MCU: variants seen among roughly 807,000 people sequenced by gnomAD.
The protein encoded by MCU is calcium uniporter protein, mitochondrial.
A neutral mutation model predicts 45.2 loss-of-function variants in MCU; 12 were observed. That is an observed-to-expected ratio of 0.27 (90% confidence interval 0.17 to 0.43). MCU has a LOEUF of 0.43. MCU is among the 20% of genes least tolerant of loss of function. The pLI is 1.00. For missense variants in MCU, 324 were observed against 436.7 expected, an observed-to-expected ratio of 0.74 and a Z score of 2.30; for synonymous variants, 160 against 165.1, an observed-to-expected ratio of 0.97 and a Z score of 0.24.
intron 2 of MCU, among the ~76,000 whole-genome samples, chr10:72,836,303 C>T (rs972930984): frequency 6.6e-6 from 1 of 152,058 alleles, no homozygotes; most frequent in South Asian, 2.1e-4. Flanking sequence ...TGTTATACTA[C>T]AGCTGGAAGG....
At chr10:72,703,405 A>G (rs1397173555) in intron 1 of MCU, among the ~76,000 whole-genome samples, 3 of 152,354 alleles carry the variant, frequency 2.0e-5, no homozygotes, top group African/African-American at 4.8e-5. Context: ...CACACCTAGC[A>G]TATAAACCCC....
chr10:72,737,767 C>T lies in MCU; in HGVS notation c.150+45466C>T, dbSNP rs149556309. Reference sequence around the variant, plus strand: ...ACTCCTGGCCTTAAGTGATCCTCACCGCCCCAACTCCCAAAGTGCTGGGAT... The same window carrying T: ...ACTCCTGGCCTTAAGTGATCCTCACTGCCCCAACTCCCAAAGTGCTGGGAT... On this transcript the variant is annotated intron_variant, in intron 1 of 7. Transcript: ENST00000373053. Among the ~76,000 whole-genome samples the T allele has an allele frequency of 1.2e-3, 177 of 152,062 alleles. 1 individual carries two copies. The highest frequency in any genetic ancestry group is 4.0e-3 in the African/African-American group (167 of 41,494).
chr10:72,866,056 T>C (rs566018287), intron 4 of MCU, among the ~76,000 whole-genome samples: 54 of 151,916 alleles, frequency 3.6e-4, no homozygotes, highest in Middle Eastern at 3.4e-3. Context: ...GGATTACAGG[T>C]GTGAGCCACC....
chr10:72,753,307 T>G (rs574666438), intron 1 of MCU, among the ~76,000 whole-genome samples: 1 of 152,336 alleles, frequency 6.6e-6, no homozygotes, highest in African/African-American at 2.4e-5. Flanking sequence ...AAATATTACT[T>G]GACATTCCAT....
intron 1 of MCU, among the ~76,000 whole-genome samples, chr10:72,823,571 A>C (rs1179023320): frequency 6.6e-6 from 1 of 152,198 alleles, no homozygotes; most frequent in South Asian, 2.1e-4. Context: ...TACTGCACTA[A>C]GACCTTTAAT....
intron 1 of MCU, among the ~76,000 whole-genome samples, chr10:72,697,507 C>T (rs1474746128): frequency 7.3e-6 from 1 of 136,270 alleles, no homozygotes; most frequent in African/African-American, 2.8e-5. Flanking sequence ...AATCTCGGTT[C>T]ACTGCAACCT....
intron 1 of MCU, among the ~76,000 whole-genome samples, chr10:72,724,591 A>C (rs1047274423): frequency 2.0e-5 from 3 of 152,206 alleles, no homozygotes; most frequent in Admixed American, 6.5e-5. Context: ...GGCACATTTA[A>C]AGGGCTGTAT....
intron 2 of MCU, among the ~76,000 whole-genome samples, chr10:72,857,275 C>T (rs1354879381): frequency 6.6e-5 from 10 of 150,858 alleles, no homozygotes; most frequent in Non-Finnish European, 1.5e-4. Flanking sequence ...GATTCTCACT[C>T]TGTTGCCAGG....
chr10:72,867,486 A>G (rs1288343091), intron 4 of MCU, among the ~76,000 whole-genome samples: 3 of 152,144 alleles, frequency 2.0e-5, no homozygotes, highest in African/African-American at 7.2e-5. Context: ...AGGCCCATAC[A>G]GCTATTCTCT....
chr10:72,724,038 A>G (rs111866763), intron 1 of MCU, among the ~76,000 whole-genome samples: 2,872 of 152,330 alleles, frequency 0.019, 81 homozygotes, highest in African/African-American at 0.065. Flanking sequence ...CATCAAGAAT[A>G]TTAAGAAATA....
rs564012272 is a variant in MCU at position 72,833,536 on chromosome 10, C to T, written c.151-823C>T. ...AGATACTAAATGATTTTTCTTTGTG[C>T]TGATGGAATGGAATATGTCAGGCCT... On this transcript the variant is annotated intron_variant, in intron 1 of 7. Transcript: ENST00000373053. 2.6e-5 allele frequency among the ~76,000 whole-genome samples: 4 copies of T among 152,242 alleles called. No homozygotes were observed. The South Asian group carries it at 8.3e-4, about 32-fold the overall frequency.
intron 4 of MCU, among the ~76,000 whole-genome samples, chr10:72,861,964 A>G (rs912928939): frequency 1.3e-5 from 2 of 149,688 alleles, no homozygotes; most frequent in Admixed American, 1.3e-4. Flanking sequence ...CCTCTAAAAT[A>G]GCGTTTTGAG....
At chr10:72,726,011 G>T (rs1314777815) in intron 1 of MCU, among the ~76,000 whole-genome samples, 3 of 151,758 alleles carry the variant, frequency 2.0e-5, no homozygotes, top group Admixed American at 6.6e-5. Flanking sequence ...TAACCATGTC[G>T]TATATATATC....
chr10:72,703,123 A>G (rs530927612), intron 1 of MCU, among the ~76,000 whole-genome samples: 1 of 152,368 alleles, frequency 6.6e-6, no homozygotes, highest in South Asian at 2.1e-4. Context: ...GTTTGTTACA[A>G]CTGGAGTATG....
intron 1 of MCU, among the ~76,000 whole-genome samples, chr10:72,804,024 A>C: frequency 8.8e-5 from 1 of 11,360 alleles, no homozygotes; most frequent in Non-Finnish European, 1.7e-4. Flanking sequence ...GTAAATATAT[A>C]TATATATATA....
rs997745333 is a variant in MCU, at chr10:72,860,293, T to C, written c.392-130T>C. 4.2e-5 allele frequency: 30 copies of C among 714,698 alleles called. No individual in the cohort carries two copies. The East Asian group carries it at 6.7e-4, about 16-fold the overall frequency. The allele number at this position is 714,698 out of a possible 1,614,324, so 44.3% of individuals were successfully genotyped here. ...ACCTAAACTTTGTTTGCATAGGAAA[T>C]GAGGCAAAAAGTTAACTGAAATTTT... On this transcript the variant is annotated intron_variant, in intron 3 of 7. Transcript: ENST00000373053.
chr10:72,834,700 TC>T (rs1445907080), intron 2 of MCU, among the ~76,000 whole-genome samples: 1 of 152,180 alleles, frequency 6.6e-6, no homozygotes, highest in Admixed American at 6.5e-5. Context: ...CCTTGGTCTG[TC>T]GCCCAGGTGG....
rs567702134 is a variant in MCU, at chr10:72,742,723, A to G, written c.150+50422A>G. 2.6e-5 allele frequency among the ~76,000 whole-genome samples: 4 copies of G among 152,294 alleles called. No homozygotes were observed. In the South Asian group the frequency reaches 8.3e-4, roughly 32 times the overall value. On this transcript the variant is annotated intron_variant, in intron 1 of 7. Coordinates refer to ENST00000373053, the MANE Select transcript of MCU (RefSeq NM_138357.3). Reference sequence around the variant, plus strand: ...CATTAATTTTAAGAGTATGTGGCCCATGGGCAGGGGCTGAACTATAGATAA... The same window carrying G: ...CATTAATTTTAAGAGTATGTGGCCCGTGGGCAGGGGCTGAACTATAGATAA...
chr10:72,763,785 A>G (rs1055619613), intron 1 of MCU, among the ~76,000 whole-genome samples: 2 of 152,254 alleles, frequency 1.3e-5, no homozygotes, highest in Non-Finnish European at 2.9e-5. Context: ...TATATAGTTC[A>G]GGTATCTTTA....
Sources: allele counts gnomAD v4.1 joint callset (sites outside exome capture counted in the v4.1 genomes callset), GRCh38; gene constraint gnomAD v4.1.1; transcripts MANE v1.5; gene names NCBI Gene and HGNC (gene_info 2026-07-23, HGNC 2026-07-21).